FGD5: variants seen among roughly 807,000 people sequenced by gnomAD.
FGD5 encodes FYVE, RhoGEF and PH domain-containing protein 5.
In FGD5, 28 loss-of-function variants were observed where a neutral mutation model predicts 133.4. The ratio of observed to expected loss-of-function variants is 0.21; its 90% confidence interval spans 0.16 to 0.29. The LOEUF is 0.29. FGD5 is among the 10% of genes least tolerant of loss of function. The pLI, the probability that FGD5 is intolerant of heterozygous loss-of-function variation, is 1.00. For synonymous variants in FGD5, 810 were observed against 776.5 expected (o/e 1.04, Z -0.72); for missense variants, 1,858 against 1,895.2 (o/e 0.98, Z 0.36).
intron 1 of FGD5, among the ~76,000 whole-genome samples, chr3:14,826,269 C>G (rs1302712736): frequency 6.6e-6 from 1 of 152,150 alleles, no homozygotes; most frequent in Non-Finnish European, 1.5e-5. Flanking sequence ...TTCTTCCTCT[C>G]CCTCCCTTTC....
intron 2 of FGD5, among the ~76,000 whole-genome samples, chr3:14,866,107 G>A (rs972695647): frequency 5.9e-5 from 9 of 152,098 alleles, no homozygotes; most frequent in Non-Finnish European, 1.3e-4. Context: ...CCCGCCTTGT[G>A]ATGTACCCCA....
chr3:14,843,962 T>C (rs2036975440), intron 1 of FGD5, among the ~76,000 whole-genome samples: 1 of 151,294 alleles, frequency 6.6e-6, no homozygotes, highest in Non-Finnish European at 1.5e-5. Context: ...CCCAAAGTGC[T>C]GGGATTACAG....
chr3:14,873,611 TC>T (rs555563245), intron 2 of FGD5, among the ~76,000 whole-genome samples: 160 of 152,214 alleles, frequency 1.1e-3, no homozygotes, highest in African/African-American at 3.7e-3. Context: ...GAGCTGCTAA[TC>T]ACAATCACAG....
chr3:14,920,599 T>C (rs1559506557), intron 13 of FGD5: 1 of 152,200 alleles, frequency 6.6e-6, no homozygotes, highest in Non-Finnish European at 1.5e-5. Flanking sequence ...GTAGGAGAGT[T>C]GTAAACTGCT....
At chr3:14,830,853 T>C (rs2036693517) in intron 1 of FGD5, among the ~76,000 whole-genome samples, 1 of 152,226 alleles carries the variant, frequency 6.6e-6, no homozygotes, top group African/African-American at 2.4e-5. Flanking sequence ...AGCCGGGTGC[T>C]GCTCTCTGAG....
At chr3:14,903,399 A>G (rs933577286) in intron 9 of FGD5, among the ~76,000 whole-genome samples, 1 of 151,880 alleles carries the variant, frequency 6.6e-6, no homozygotes, top group Non-Finnish European at 1.5e-5. Flanking sequence ...CATGTGCACA[A>G]TGTGCAGGTT....
At chr3:14,900,330 G>C (rs759046917) in intron 7 of FGD5, 73 bp from the exon 8 acceptor site, 1 of 1,459,184 alleles carries the variant, frequency 6.9e-7, no homozygotes, top group Non-Finnish European at 9.5e-7. Context: ...GCAAGAGAGG[G>C]GGTGGCCACA....
intron 1 of FGD5, among the ~76,000 whole-genome samples, chr3:14,812,157 C>T (rs1440689349): frequency 1.3e-5 from 2 of 152,320 alleles, no homozygotes; most frequent in South Asian, 2.1e-4. Context: ...AGCCACCTTC[C>T]ATGTCCAGGC....
chr3:14,854,389 T>TTTTATTTA (rs71268415), intron 1 of FGD5, among the ~76,000 whole-genome samples: 3,309 of 137,536 alleles, frequency 0.024, 77 homozygotes, highest in East Asian at 0.045. Context: ...TTTCTTTTCT[T>TTTTATTTA]TTTATTTATT....
At chr3:14,921,448 CT>C in intron 13 of FGD5, 1 of 168,908 alleles carries the variant, frequency 5.9e-6, no homozygotes. Flanking sequence ...TGTTGGATGA[CT>C]GTCTGGGAAG....
chr3:14,860,257 T>C (rs2037371856), intron 1 of FGD5, among the ~76,000 whole-genome samples: 2 of 152,318 alleles, frequency 1.3e-5, no homozygotes, highest in Admixed American at 6.5e-5. Flanking sequence ...AATGGCCCCA[T>C]CAATGAGTCT....
upstream of FGD5, among the ~76,000 whole-genome samples, chr3:14,816,518 C>A (rs1287560147): frequency 6.6e-6 from 1 of 152,144 alleles, no homozygotes; most frequent in Non-Finnish European, 1.5e-5. Context: ...AGGGTAGGTG[C>A]TGTGTGGTAC....
At chr3:14,893,060 C>G (rs951182841) in intron 4 of FGD5, among the ~76,000 whole-genome samples, 10 of 152,206 alleles carry the variant, frequency 6.6e-5, no homozygotes, top group African/African-American at 2.4e-4. Flanking sequence ...TCCCTGCCCC[C>G]ACCCAAGCCG....
intron 2 of FGD5, among the ~76,000 whole-genome samples, chr3:14,867,729 G>A (rs1287172897): frequency 6.6e-6 from 1 of 152,148 alleles, no homozygotes; most frequent in African/African-American, 2.4e-5. Flanking sequence ...GAAGGGTCAT[G>A]TCTCCATCCT....
At chr3:14,842,738 T>C (rs2036947574) in intron 1 of FGD5, among the ~76,000 whole-genome samples, 1 of 152,252 alleles carries the variant, frequency 6.6e-6, no homozygotes, top group African/African-American at 2.4e-5. Flanking sequence ...GTGTGTATGC[T>C]TTCCTGTTGC....
chr3:14,888,161 C>T (rs1208225534), intron 4 of FGD5, among the ~76,000 whole-genome samples: 1 of 100,480 alleles, frequency 1.0e-5, no homozygotes, highest in Non-Finnish European at 2.1e-5. Context: ...CAGAGAGATC[C>T]TTTCTCGAAA....
intron 1 of FGD5, among the ~76,000 whole-genome samples, chr3:14,823,521 TCA>T (rs1406132398): frequency 2.0e-5 from 3 of 152,242 alleles, no homozygotes; most frequent in South Asian, 2.1e-4. Context: ...CTCTGTAGAA[TCA>T]CAGAGTTTTA....
In FGD5 at chr3:14,819,091, C is replaced by T; in HGVS notation, c.20C>T (p.Pro7Leu). 1 of 1,549,368 alleles carries T rather than the reference C, an allele frequency of 6.5e-7. No individual in the cohort carries two copies. Among genetic ancestry groups the T allele is most frequent in the South Asian group, 1.2e-5 (1 of 83,866 alleles). ...AACTCCATGTTCAGGGGTCCGAAGCCCCCCATTGCCCCCAAGCCCAGGCTG... is the reference window on the plus strand; with the variant it reads ...AACTCCATGTTCAGGGGTCCGAAGCTCCCCATTGCCCCCAAGCCCAGGCTG... MFRGPK[P>L]PIAPKPRLTA... The change falls in exon 1 of 20, where the codon CCC (proline) becomes CTC (leucine). Residue 7 changes from proline (P) to leucine (L), a missense_variant. Coordinates refer to ENST00000285046, the MANE Select transcript of FGD5 (RefSeq NM_152536.4). The surrounding 1 kb of genome is among the most constrained non-coding windows in gnomAD (Gnocchi z 4.1).
At chr3:14,827,175 A>G (rs1043435510) in intron 1 of FGD5, among the ~76,000 whole-genome samples, 3 of 152,088 alleles carry the variant, frequency 2.0e-5, no homozygotes, top group Non-Finnish European at 2.9e-5. Context: ...ATGGATGATA[A>G]GTGGCCAAAC....
Sources: gnomAD v4.1 joint callset for allele counts (sites outside exome capture counted in the v4.1 genomes callset) on GRCh38, gnomAD v4.1.1 for gene constraint, Gnocchi (gnomAD v3.1) non-coding constraint, MANE v1.5 for transcripts, NCBI Gene and HGNC (gene_info 2026-07-23, HGNC 2026-07-21) for gene names.